Variants in FBXW9 observed in about 807,000 individuals in gnomAD.
FBXW9 encodes the protein F-box/WD repeat-containing protein 9.
FBXW9 carries 38 observed loss-of-function variants against 55.8 expected under a neutral mutation model. The ratio of observed to expected loss-of-function variants is 0.68; its 90% confidence interval spans 0.53 to 0.89. The LOEUF is 0.89. FBXW9 is among the 40% of genes least tolerant of loss of function. The pLI is 0.00. For synonymous variants in FBXW9, 289 were observed against 278.2 expected, an observed-to-expected ratio of 1.04 and a Z score of -0.38; for missense variants, 590 against 619.4, an observed-to-expected ratio of 0.95 and a Z score of 0.50.
At chr19:12,692,937 A>T (rs944073556) in intron 3 of FBXW9, among the ~76,000 whole-genome samples, 2 of 152,160 alleles carry the variant, frequency 1.3e-5, no homozygotes, top group Non-Finnish European at 2.9e-5. Context: ...CTGGCAAACC[A>T]TATCACCTCC....
At chr19:12,691,606 G>T in intron 3 of FBXW9, 152 bp from the exon 4 acceptor site, 1 of 649,304 alleles carries the variant, frequency 1.5e-6, no homozygotes, top group Non-Finnish European at 2.7e-6. Flanking sequence ...GGTGATAGAT[G>T]CTGCAGCAAG....
rs781536118 is a variant in FBXW9 at position 12,689,799 on chromosome 19, C to T, written c.1108G>A (p.Val370Ile). ...AAGCAGCCGTTGCGGTTGGCGAAGA[C>T]GTGCAGCAGGCCCTGGTTGTCACCA... ...WAGDNQGLLHVFANRNGCFQL... is the reference protein window; with the variant it reads ...WAGDNQGLLHIFANRNGCFQL... Residue 370 changes from valine to isoleucine, a missense_variant, in exon 7 of 10, where the codon GTC (valine) becomes ATC (isoleucine). Coordinates refer to ENST00000393261, the MANE Select transcript of FBXW9 (RefSeq NM_032301.3). This position sits in a 1 kb window ranked among gnomAD's most constrained non-coding sequence, Gnocchi z 5.9. 14 of 1,614,028 alleles carry T rather than the reference C, an allele frequency of 8.7e-6. No homozygotes were observed. The highest frequency in any genetic ancestry group is 3.3e-4 in the Middle Eastern group (2 of 6,084).
chr19:12,690,244 G>T, intron 5 of FBXW9, 134 bp from the exon 6 acceptor site: 1 of 1,446,302 alleles, frequency 6.9e-7, no homozygotes, highest in Non-Finnish European at 9.4e-7. Context: ...CCCACAGAGT[G>T]ACCCATCTCT....
chr19:12,693,914 G>T (rs1298002522), intron 3 of FBXW9, among the ~76,000 whole-genome samples: 5 of 151,024 alleles, frequency 3.3e-5, no homozygotes, highest in African/African-American at 9.8e-5. Context: ...ATAAATAAAG[G>T]CCAGGTGACT....
chr19:12,690,666 C>A (rs1012771538), intron 5 of FBXW9, among the ~76,000 whole-genome samples: 1 of 152,002 alleles, frequency 6.6e-6, no homozygotes, highest in Non-Finnish European at 1.5e-5. Context: ...CATCTGTAAT[C>A]CCTGCACTTT....
chr19:12,689,659 G>T lies in FBXW9; in HGVS notation c.1147-29C>A, dbSNP rs1274203445. ...CAGGAGGAGGATCAGGCAACACTCA[G>T]TCGAGGCTCTCCCAAGGCCCGCCCT... On this transcript the variant is annotated intron_variant, in intron 7 of 9. Coordinates refer to ENST00000393261, the MANE Select transcript of FBXW9 (RefSeq NM_032301.3). This position sits in a 1 kb window ranked among gnomAD's most constrained non-coding sequence, Gnocchi z 5.9. 6.2e-7 allele frequency: 1 copy of T among 1,612,228 alleles called. No homozygotes were observed. Among genetic ancestry groups the T allele is most frequent in the Non-Finnish European group, 8.5e-7 (1 of 1,178,470 alleles).
At chr19:12,695,748 G>A (rs1441614867) in intron 1 of FBXW9, among the ~76,000 whole-genome samples, 1 of 152,168 alleles carries the variant, frequency 6.6e-6, no homozygotes, top group Non-Finnish European at 1.5e-5. Context: ...AACAGGTGCT[G>A]TCTCAGCTTC....
chr19:12,693,440 C>T (rs945796511), intron 3 of FBXW9, among the ~76,000 whole-genome samples: 4 of 137,030 alleles, frequency 2.9e-5, no homozygotes, highest in African/African-American at 1.1e-4. Flanking sequence ...AGGCAGATCA[C>T]TTGAGGCCAG....
In FBXW9 at chr19:12,694,782, C is replaced by A. The variant is rs201386960; in HGVS notation, c.549+17G>T. ...CCCTGGCCCACCCTGCCTGGCCCCC[C>A]ACAGACCCCGTCTCACCTGGAGCAG... On this transcript the variant is annotated intron_variant, in intron 2 of 9. Transcript: ENST00000393261. 2 of 1,613,810 alleles carry A rather than the reference C, an allele frequency of 1.2e-6. No homozygotes were observed. The highest frequency in any genetic ancestry group is 1.7e-6 in the Non-Finnish European group (2 of 1,179,798).
Position 12,696,287 on chromosome 19 carries a change from C to T in FBXW9, c.295G>A (p.Val99Met), listed in dbSNP as rs769950410. 3 of 1,575,360 alleles carry T rather than the reference C, an allele frequency of 1.9e-6. No homozygotes were observed. Among genetic ancestry groups the T allele is most frequent in the Non-Finnish European group, 2.6e-6 (3 of 1,161,034 alleles). Residue 99 changes from valine (V) to methionine (M), a missense_variant, in exon 1 of 10, where the codon GTG becomes ATG. Transcript: ENST00000393261. ...EICSYLDARL[V>M]LHVLSRVCHA... ...CACACCCGCGACAGGACGTGGAGCACGAGGCGGGCGTCCAGGTAGGAGCAG... is the reference window on the plus strand; with the variant it reads ...CACACCCGCGACAGGACGTGGAGCATGAGGCGGGCGTCCAGGTAGGAGCAG...
chr19:12,695,584 C>T (rs77302244), intron 1 of FBXW9, among the ~76,000 whole-genome samples: 1,542 of 152,198 alleles, frequency 0.01, 18 homozygotes, highest in South Asian at 0.044. Context: ...TACATCTTGG[C>T]TTAAGGGCCT....
At chr19:12,692,020 T>C (rs2145404886) in intron 3 of FBXW9, among the ~76,000 whole-genome samples, 2 of 151,642 alleles carry the variant, frequency 1.3e-5, no homozygotes, top group South Asian at 4.2e-4. Flanking sequence ...CCTCCCAAAG[T>C]GCTGGGATTA....
chr19:12,695,584 C>A (rs77302244), intron 1 of FBXW9, among the ~76,000 whole-genome samples: 3 of 152,084 alleles, frequency 2.0e-5, no homozygotes, highest in Non-Finnish European at 4.4e-5. Flanking sequence ...TACATCTTGG[C>A]TTAAGGGCCT....
At chr19:12,693,419 A>G (rs10411280) in intron 3 of FBXW9, among the ~76,000 whole-genome samples, 23,266 of 143,926 alleles carry the variant, frequency 0.16, 5,656 homozygotes, top group African/African-American at 0.53. Context: ...AGCATTTTGG[A>G]AGGCTGAGTC....
rs776277398 is a variant in FBXW9, at chr19:12,696,367, G to A, written c.215C>T (p.Ser72Leu). The change falls in exon 1 of 10, where the codon TCG becomes TTG. Residue 72 changes from serine to leucine, a missense_variant. Coordinates refer to ENST00000393261, the MANE Select transcript of FBXW9 (RefSeq NM_032301.3). Reference sequence around the variant, plus strand: ...CAGAAGGCCCGGCTCACTTACGGCCGAAACCCTGGACGCGGCCCGAGGCTC... The same window carrying A: ...CAGAAGGCCCGGCTCACTTACGGCCAAAACCCTGGACGCGGCCCGAGGCTC... Reference protein sequence around the residue: ...ASEPRAASRVSAVSEPGLLSL... With the variant: ...ASEPRAASRVLAVSEPGLLSL... 1.2e-6 allele frequency: 2 copies of A among 1,608,696 alleles called. No individual in the cohort carries two copies. Among genetic ancestry groups the A allele is most frequent in the South Asian group, 2.2e-5 (2 of 90,660 alleles).
chr19:12,691,888 T>C (rs1295005680), intron 3 of FBXW9, among the ~76,000 whole-genome samples: 1 of 152,042 alleles, frequency 6.6e-6, no homozygotes, highest in Non-Finnish European at 1.5e-5. Context: ...CTCTAGTAGC[T>C]GGGATTACAC....
In FBXW9 at chr19:12,689,026, G is replaced by T. The variant is rs2024962399; in HGVS notation, c.*190C>A. On this transcript the variant is annotated 3_prime_UTR_variant, in exon 10 of 10. Coordinates refer to ENST00000393261, the MANE Select transcript of FBXW9 (RefSeq NM_032301.3). The surrounding 1 kb of genome is among the most constrained non-coding windows in gnomAD (Gnocchi z 5.9). ...GAGTGGGAAGCGGCCCCCTGGGTGG[G>T]CCTGAACCCCAATTTCACCCTTCCC... is the stretch of plus-strand genomic sequence containing the variant. 2 of 705,418 alleles carry T rather than the reference G, an allele frequency of 2.8e-6. No homozygotes were observed. The highest frequency in any genetic ancestry group is 2.0e-5 in the Admixed American group (1 of 50,002). 43.7% of individuals were successfully genotyped at this position (705,418 alleles called of 1,614,324 possible).
chr19:12,692,841 TAAGTC>T (rs2025024888), intron 3 of FBXW9, among the ~76,000 whole-genome samples: 1 of 152,218 alleles, frequency 6.6e-6, no homozygotes, highest in African/African-American at 2.4e-5. Context: ...ATAACATTTC[TAAGTC>T]AAGTTCTGCA....
Position 12,691,392 on chromosome 19 carries a change from T to G in FBXW9, c.741A>C (p.Thr247=), listed in dbSNP as rs569610363. 41 of 1,612,456 alleles carry G rather than the reference T, an allele frequency of 2.5e-5. No homozygotes were observed. In the East Asian group the frequency reaches 3.1e-4, roughly 12 times the overall value. The part of the protein sequence containing the change: ...HRVCSGSWDS[T]VKLWDMAADG... Reference sequence around the variant, plus strand: ...CCGCTGCCATGTCCCAGAGCTTCACTGTGCTGTCCCAGGAGCCGGAGCACA... The same window carrying G: ...CCGCTGCCATGTCCCAGAGCTTCACGGTGCTGTCCCAGGAGCCGGAGCACA... The change falls in exon 4 of 10, where the codon ACA becomes ACC. Residue 247 remains threonine (T), a synonymous_variant. Transcript: ENST00000393261.
Sources: gnomAD v4.1 joint callset for allele counts (sites outside exome capture counted in the v4.1 genomes callset) on GRCh38, gnomAD v4.1.1 for gene constraint, Gnocchi (gnomAD v3.1) non-coding constraint, MANE v1.5 for transcripts, NCBI Gene and HGNC (gene_info 2026-07-23, HGNC 2026-07-21) for gene names.